CLSTN2: variants seen among roughly 807,000 people sequenced by gnomAD.
The protein encoded by CLSTN2 is calsyntenin-2.
In CLSTN2, 48 loss-of-function variants were observed where a neutral mutation model predicts 101.2. The observed-to-expected ratio is 0.47, with a 90% confidence interval of 0.38 to 0.60. The LOEUF is 0.60. CLSTN2 is among the 20% of genes least tolerant of loss of function. CLSTN2 has a pLI of 0.00. For missense variants in CLSTN2, 1,160 were observed against 1,238.2 expected (o/e 0.94, Z 0.95); for synonymous variants, 481 against 463.6 (o/e 1.04, Z -0.48).
intron 9 of CLSTN2, among the ~76,000 whole-genome samples, 199 bp from the exon 10 acceptor site, chr3:140,546,316 C>T (rs1312506052): frequency 1.3e-5 from 2 of 152,244 alleles, no homozygotes; most frequent in Non-Finnish European, 2.9e-5. Context: ...AAATCTGGTG[C>T]AGCCAGGGAA....
intron 1 of CLSTN2, among the ~76,000 whole-genome samples, chr3:139,939,475 C>A (rs1334102855): frequency 6.6e-6 from 1 of 152,144 alleles, no homozygotes; most frequent in African/African-American, 2.4e-5. Flanking sequence ...GTCTAGGGAC[C>A]ACAAGGAAGC....
intron 2 of CLSTN2, among the ~76,000 whole-genome samples, chr3:140,220,768 C>T (rs1002865702): frequency 1.3e-5 from 2 of 152,210 alleles, no homozygotes; most frequent in African/African-American, 4.8e-5. Context: ...GACTGAATAT[C>T]ATTTTGTGCT....
At chr3:140,043,636 T>A (rs2007806398) in intron 1 of CLSTN2, among the ~76,000 whole-genome samples, 1 of 152,198 alleles carries the variant, frequency 6.6e-6, no homozygotes, top group African/African-American at 2.4e-5. Context: ...TAGGTTTTCT[T>A]CTAGGGTTTT....
chr3:140,214,452 T>G lies in CLSTN2; in HGVS notation c.232+38379T>G, dbSNP rs535047437. ...CTGGGCCTTGCAGTGAGACTCTGTC[T>G]TAAAAAAAAAGAATAGGTCCACTTT... On this transcript the variant is annotated intron_variant, in intron 2 of 16. Transcript: ENST00000458420. Among the ~76,000 whole-genome samples the G allele has an allele frequency of 4.0e-4, 29 of 72,560 alleles. No individual in the cohort carries two copies. In the East Asian group the frequency reaches 0.039, roughly 97 times the overall value. The allele number at this position is 72,560 out of a possible 152,430, so 47.6% of individuals were successfully genotyped here. A position where few individuals can be genotyped will look rare whatever the true frequency, so the allele number is the denominator to read the frequency against.
At chr3:140,175,588 G>A (rs1317001585) in intron 1 of CLSTN2, among the ~76,000 whole-genome samples, 5 of 152,192 alleles carry the variant, frequency 3.3e-5, no homozygotes, top group Admixed American at 3.3e-4. Flanking sequence ...ATAGATGGTA[G>A]CATTACAGAA....
At chr3:140,483,515 A>G (rs923740396) in intron 8 of CLSTN2, among the ~76,000 whole-genome samples, 2 of 152,094 alleles carry the variant, frequency 1.3e-5, no homozygotes, top group Non-Finnish European at 2.9e-5. Context: ...TTTCTGTCGC[A>G]TTGATCTGTC....
rs563856167 is a variant in CLSTN2, at chr3:140,323,014, T to G, written c.233-80615T>G. Among the ~76,000 whole-genome samples, 18 of 152,356 alleles carry G rather than the reference T, an allele frequency of 1.2e-4. 1 individual carries two copies. Among genetic ancestry groups the G allele is most frequent in the African/African-American group, 4.3e-4 (18 of 41,578 alleles). Reference sequence around the variant, plus strand: ...TGGGAAGTTATTACAACCATAAATATTTGTAATTCTTTCTCTGATGTATTA... The same window carrying G: ...TGGGAAGTTATTACAACCATAAATAGTTGTAATTCTTTCTCTGATGTATTA... On this transcript the variant is annotated intron_variant, in intron 2 of 16. Transcript: ENST00000458420.
At chr3:140,369,788 C>T (rs1379523251) in intron 2 of CLSTN2, among the ~76,000 whole-genome samples, 8 of 152,266 alleles carry the variant, frequency 5.3e-5, no homozygotes, top group Non-Finnish European at 1.2e-4. Flanking sequence ...GGAATTAAAA[C>T]CTCTAATTGC....
At chr3:140,435,052 C>T (rs1010179858) in intron 5 of CLSTN2, among the ~76,000 whole-genome samples, 2 of 152,120 alleles carry the variant, frequency 1.3e-5, no homozygotes, top group African/African-American at 2.4e-5. Context: ...AAGCATTTAT[C>T]CTCTGAGTTT....
At chr3:139,995,683 A>T (rs1305575195) in intron 1 of CLSTN2, among the ~76,000 whole-genome samples, 1 of 152,126 alleles carries the variant, frequency 6.6e-6, no homozygotes, top group African/African-American at 2.4e-5. Flanking sequence ...CATGCCCATG[A>T]CAAGGAAGAG....
intron 4 of CLSTN2, among the ~76,000 whole-genome samples, chr3:140,411,457 TAGAC>T (rs1368340654): frequency 1.3e-5 from 2 of 152,248 alleles, no homozygotes; most frequent in East Asian, 1.9e-4. Context: ...AAGGGAGAAA[TAGAC>T]AACAATACAA....
intron 1 of CLSTN2, among the ~76,000 whole-genome samples, chr3:140,037,150 C>T (rs2007670342): frequency 6.6e-6 from 1 of 151,920 alleles, no homozygotes; most frequent in African/African-American, 2.4e-5. Context: ...TTATTGTTTT[C>T]AAACTTGTAA....
At chr3:140,552,162 C>T (rs531729948) in intron 10 of CLSTN2, among the ~76,000 whole-genome samples, 2 of 152,158 alleles carry the variant, frequency 1.3e-5, no homozygotes, top group South Asian at 2.1e-4. Flanking sequence ...AGATGCCAGT[C>T]GAATCTCTAA....
intron 9 of CLSTN2, among the ~76,000 whole-genome samples, chr3:140,532,996 A>T (rs1428362715): frequency 6.6e-6 from 1 of 152,176 alleles, no homozygotes; most frequent in African/African-American, 2.4e-5. Flanking sequence ...ACAGAAAGCC[A>T]CTCTCAAGGT....
chr3:140,041,655 A>T (rs2007764017), intron 1 of CLSTN2, among the ~76,000 whole-genome samples: 1 of 152,148 alleles, frequency 6.6e-6, no homozygotes, highest in South Asian at 2.1e-4. Context: ...TGCTTTGCAC[A>T]TGTTGCTCTT....
Position 140,448,651 on chromosome 3 carries a change from G to A in CLSTN2, c.920G>A (p.Gly307Glu), listed in dbSNP as rs547873589. The change falls in exon 6 of 17, where the codon GGG becomes GAG. Residue 307 changes from glycine to glutamate, a missense_variant. Coordinates refer to ENST00000458420, the MANE Select transcript of CLSTN2 (RefSeq NM_022131.3). Reference protein sequence around the residue: ...IVTELQTNYIGKGCDRETYSE... With the variant: ...IVTELQTNYIEKGCDRETYSE... ...ACAGAGCTGCAGACTAATTACATTG[G>A]GAAGGGTTGTGACCGGGAGACCTAC... 2.8e-5 allele frequency: 45 copies of A among 1,613,942 alleles called. No individual in the cohort carries two copies. Among genetic ancestry groups the A allele is most frequent in the Non-Finnish European group, 3.6e-5 (43 of 1,179,974 alleles).
chr3:140,432,839 A>G (rs970852351), intron 5 of CLSTN2, among the ~76,000 whole-genome samples: 1 of 152,224 alleles, frequency 6.6e-6, no homozygotes, highest in South Asian at 2.1e-4. Context: ...ACAGTACTCA[A>G]TAATAATAAC....
At chr3:140,558,618 A>G (rs1180600675) in intron 11 of CLSTN2, 22 bp from the exon 12 acceptor site, 3 of 1,600,634 alleles carry the variant, frequency 1.9e-6, no homozygotes, top group Non-Finnish European at 2.6e-6. Context: ...CATCAGTGCC[A>G]TGACCGAGAA....
intron 1 of CLSTN2, among the ~76,000 whole-genome samples, chr3:140,158,923 T>C (rs1241645364): frequency 6.6e-6 from 1 of 152,052 alleles, no homozygotes; most frequent in Non-Finnish European, 1.5e-5. Context: ...AGATAAGCAA[T>C]GGGGGAAAGA....
Sources: allele counts gnomAD v4.1 joint callset (sites outside exome capture counted in the v4.1 genomes callset), GRCh38; gene constraint gnomAD v4.1.1; transcripts MANE v1.5; gene names NCBI Gene and HGNC (gene_info 2026-07-23, HGNC 2026-07-21).